The following CTNNBIP1 variants were observed in gnomAD, a reference collection of about 807,000 sequenced individuals.
CTNNBIP1 encodes the protein beta-catenin-interacting protein 1.
A neutral mutation model predicts 11.8 loss-of-function variants in CTNNBIP1; 7 were observed. The observed-to-expected ratio is 0.60, with a 90% CI of 0.34 to 1.12. The LOEUF is 1.12. CTNNBIP1 is among the 50% of genes most tolerant of loss of function. The pLI, the probability that CTNNBIP1 is intolerant of heterozygous loss-of-function variation, is 0.03. For synonymous variants in CTNNBIP1, 58 were observed against 43.9 expected (o/e 1.32, Z -1.26); for missense variants, 101 against 113.4 (o/e 0.89, Z 0.50).
intron 5 of CTNNBIP1, among the ~76,000 whole-genome samples, chr1:9,853,240 C>T (rs1206444199): frequency 6.6e-6 from 1 of 152,230 alleles, no homozygotes; most frequent in Non-Finnish European, 1.5e-5. Context: ...CAAGGATCTG[C>T]TTTCCTTTGG....
intron 1 of CTNNBIP1, among the ~76,000 whole-genome samples, chr1:9,898,455 C>T (rs933077395): frequency 2.6e-5 from 4 of 151,802 alleles, no homozygotes; most frequent in Admixed American, 6.6e-5. Context: ...ATCTGGGAGT[C>T]GGAGGTTGCA....
rs957827018 is a variant in CTNNBIP1, at chr1:9,883,121, G to A, written c.-110+584C>T. Among the ~76,000 whole-genome samples, 9 of 152,150 alleles carry A rather than the reference G, an allele frequency of 5.9e-5. No homozygotes were observed. Among genetic ancestry groups the A allele is most frequent in the East Asian group, 1.9e-4 (1 of 5,188 alleles). On this transcript the variant is annotated intron_variant, in intron 2 of 5. Coordinates refer to ENST00000377263, the MANE Select transcript of CTNNBIP1 (RefSeq NM_020248.3). This position sits in a 1 kb window ranked among gnomAD's most constrained non-coding sequence, Gnocchi z 5.6. Reference sequence around the variant, plus strand: ...GCCTGGGTGGCAGCAGCGGGACGGCGCAGGAGGGTAGGTCAGGGACCGGGG... The same window carrying A: ...GCCTGGGTGGCAGCAGCGGGACGGCACAGGAGGGTAGGTCAGGGACCGGGG...
Position 9,867,163 on chromosome 1 carries a change from G to A in CTNNBIP1, c.187+4024C>T, listed in dbSNP as rs1478508490. ...ACAGCCCTGATTGAGGGAAGGGAGT[G>A]GGAAACAGCCAGTGAGGGGTGACGT... On this transcript the variant is annotated intron_variant, in intron 5 of 5. Transcript: ENST00000377263. The surrounding 1 kb of genome is among the most constrained non-coding windows in gnomAD (Gnocchi z 4.6). Among the ~76,000 whole-genome samples the A allele has an allele frequency of 6.6e-6, 1 of 152,142 alleles. No individual in the cohort carries two copies. Among genetic ancestry groups the A allele is most frequent in the African/African-American group, 2.4e-5 (1 of 41,416 alleles).
chr1:9,854,709 C>T (rs549298378), intron 5 of CTNNBIP1, among the ~76,000 whole-genome samples: 22 of 151,974 alleles, frequency 1.4e-4, no homozygotes, highest in Non-Finnish European at 2.9e-4. Flanking sequence ...TAGGGTCTCA[C>T]TCTGTCACCC....
intron 5 of CTNNBIP1, among the ~76,000 whole-genome samples, chr1:9,852,648 G>A (rs951494961): frequency 1.3e-5 from 2 of 152,214 alleles, no homozygotes; most frequent in Non-Finnish European, 2.9e-5. Flanking sequence ...CCTAACAGAT[G>A]CCGACTTTTC....
At chr1:9,865,294 A>T (rs2101464582) in intron 5 of CTNNBIP1, among the ~76,000 whole-genome samples, 1 of 151,782 alleles carries the variant, frequency 6.6e-6, no homozygotes. Flanking sequence ...ATGCGTAAAA[A>T]ATGGATGTTA....
chr1:9,865,883 C>G (rs1638733730), intron 5 of CTNNBIP1, among the ~76,000 whole-genome samples: 1 of 152,136 alleles, frequency 6.6e-6, no homozygotes, highest in African/African-American at 2.4e-5. Context: ...ATGAGAGAAG[C>G]CTGGACTCAG....
At chr1:9,853,770 G>A (rs1638442101) in intron 5 of CTNNBIP1, among the ~76,000 whole-genome samples, 1 of 152,180 alleles carries the variant, frequency 6.6e-6, no homozygotes, top group African/African-American at 2.4e-5. Flanking sequence ...AGGTTGATCT[G>A]TGTCTCCTGT....
rs536392993 is a variant in CTNNBIP1, at chr1:9,887,936, T to C, written c.-143-4198A>G. Among the ~76,000 whole-genome samples, 8 of 151,946 alleles carry C rather than the reference T, an allele frequency of 5.3e-5. 1 individual carries two copies. The East Asian group carries it at 1.6e-3, about 30-fold the overall frequency. Reference sequence around the variant, plus strand: ...GCCTCCCGGGTTCAAGTGATTATCCTGCCTCAGCCTCCTAATAGCTGGGAT... The same window carrying C: ...GCCTCCCGGGTTCAAGTGATTATCCCGCCTCAGCCTCCTAATAGCTGGGAT... On this transcript the variant is annotated intron_variant, in intron 1 of 5. Coordinates refer to ENST00000377263, the MANE Select transcript of CTNNBIP1 (RefSeq NM_020248.3).
rs146594294 is a variant in CTNNBIP1, at chr1:9,895,580, C to G, written c.-143-11842G>C. On this transcript the variant is annotated intron_variant, in intron 1 of 5. Coordinates refer to ENST00000377263, the MANE Select transcript of CTNNBIP1 (RefSeq NM_020248.3). ...GCACGATCTCGGCTCACTGCAACCT[C>G]CGCCTCCCGGGTTCAAGCGATTCCA... 5.6e-4 allele frequency among the ~76,000 whole-genome samples: 85 copies of G among 152,280 alleles called. No individual in the cohort carries two copies. The East Asian group carries it at 6.7e-3, about 12-fold the overall frequency.
At chr1:9,886,263 G>T (rs1284786931) in intron 1 of CTNNBIP1, among the ~76,000 whole-genome samples, 1 of 152,168 alleles carries the variant, frequency 6.6e-6, no homozygotes, top group Non-Finnish European at 1.5e-5. Flanking sequence ...TCTCAGCAGG[G>T]TGCCGCTGAC....
chr1:9,876,703 T>G (rs1171419955), intron 3 of CTNNBIP1, among the ~76,000 whole-genome samples: 3 of 152,178 alleles, frequency 2.0e-5, no homozygotes, highest in African/African-American at 7.2e-5. Flanking sequence ...TCCATGGTTA[T>G]TTATTATGTA....
intron 1 of CTNNBIP1, among the ~76,000 whole-genome samples, chr1:9,892,095 C>T (rs922766858): frequency 1.3e-5 from 2 of 152,040 alleles, no homozygotes; most frequent in Non-Finnish European, 2.9e-5. Context: ...CATGAGCCAC[C>T]GAGCCTGGCT....
chr1:9,908,648 C>G (rs928080204), intron 1 of CTNNBIP1, among the ~76,000 whole-genome samples: 17 of 152,218 alleles, frequency 1.1e-4, no homozygotes, highest in African/African-American at 4.1e-4. Context: ...AAGCGTGAGC[C>G]ACCGCGCCCG....
intron 1 of CTNNBIP1, among the ~76,000 whole-genome samples, chr1:9,900,851 C>T (rs1285754457): frequency 3.3e-5 from 5 of 152,204 alleles, no homozygotes; most frequent in African/African-American, 1.2e-4. Context: ...AGGCTGTGGG[C>T]AGTGCCAACA....
chr1:9,857,517 C>T (rs938810953), intron 5 of CTNNBIP1, among the ~76,000 whole-genome samples: 3 of 150,504 alleles, frequency 2.0e-5, no homozygotes, highest in African/African-American at 4.9e-5. Context: ...AGGCCAGGCA[C>T]AGTGGCTCAC....
At chr1:9,902,578 C>T (rs1639542043) in intron 1 of CTNNBIP1, among the ~76,000 whole-genome samples, 1 of 152,126 alleles carries the variant, frequency 6.6e-6, no homozygotes, top group African/African-American at 2.4e-5. Flanking sequence ...AACCCAGCCC[C>T]CCACCTTAAT....
intron 5 of CTNNBIP1, among the ~76,000 whole-genome samples, chr1:9,870,139 G>A (rs180918805): frequency 6.6e-6 from 1 of 152,232 alleles, no homozygotes. Context: ...GAGAACAAGG[G>A]CTGGCTGGTG....
chr1:9,864,511 G>T (rs968948026), intron 5 of CTNNBIP1, among the ~76,000 whole-genome samples: 4 of 152,174 alleles, frequency 2.6e-5, no homozygotes, highest in Non-Finnish European at 5.9e-5. Context: ...TGTATTTTTA[G>T]TAGAGACGGA....
Sources: gnomAD v4.1 joint callset for allele counts (sites outside exome capture counted in the v4.1 genomes callset) on GRCh38, gnomAD v4.1.1 for gene constraint, Gnocchi (gnomAD v3.1) non-coding constraint, MANE v1.5 for transcripts, NCBI Gene and HGNC (gene_info 2026-07-23, HGNC 2026-07-21) for gene names.